Variants in PGM2 observed in about 807,000 individuals in gnomAD.
PGM2 encodes the protein phosphoglucomutase 2.
PGM2 carries 57 observed loss-of-function variants against 74.6 expected under a neutral mutation model. That is an observed-to-expected ratio of 0.76 (90% CI 0.62 to 0.95). PGM2 has a LOEUF of 0.95. Among genes scored for constraint, PGM2 ranks in the 40% least tolerant of loss-of-function variants. The probability of loss-of-function intolerance (pLI) is 0.00; values close to 1 mark genes in which losing one functional copy is unlikely to be tolerated. For synonymous variants in PGM2, 273 were observed against 260.7 expected, an observed-to-expected ratio of 1.05 and a Z score of -0.46; for missense variants, 706 against 741.9, an observed-to-expected ratio of 0.95 and a Z score of 0.56.
At chr4:37,840,320 T>C (rs2714559) in intron 6 of PGM2, 61 bp downstream of exon 6, 230,144 of 953,966 alleles carry the variant, frequency 0.24, 35,136 homozygotes, top group African/African-American at 0.66. Flanking sequence ...CAAATTCTAT[T>C]AGTGTTTGTG....
chr4:37,834,179 T>A (rs528026803), intron 2 of PGM2, among the ~76,000 whole-genome samples: 1 of 151,944 alleles, frequency 6.6e-6, no homozygotes, highest in African/African-American at 2.4e-5. Context: ...AAAAAATTTT[T>A]AAAAATTAGT....
intron 12 of PGM2, among the ~76,000 whole-genome samples, chr4:37,851,995 C>G (rs893631037): frequency 9.4e-6 from 1 of 106,416 alleles, no homozygotes; most frequent in Non-Finnish European, 2.1e-5. Flanking sequence ...CAGGGTCTTG[C>G]TGTGTGACTT....
At position 37,845,656 on chromosome 4, in the gene PGM2, C is replaced by G. The variant is rs1286811858; in HGVS notation, c.933C>G (p.Asp311Glu). Residue 311 changes from aspartate (D) to glutamate (E), a missense_variant, in exon 8 of 14, where the codon GAC becomes GAG. This residue lies in a region of PGM2 where 359 missense variants were observed against 371.1 expected (regional missense o/e 0.97). Transcript: ENST00000381967. ...AGACTTTGTCTTTTGCTTTGGCTGA[C>G]AAAACCAAGGCCAGAATTGTTTTAG... is the stretch of plus-strand genomic sequence containing the variant. ...GVLTLSFALA[D>E]KTKARIVLAN... The G allele has an allele frequency of 1.9e-6, 3 of 1,612,848 alleles. No homozygotes were observed. Among genetic ancestry groups the G allele is most frequent in the Non-Finnish European group, 2.5e-6 (3 of 1,178,850 alleles).
At chr4:37,838,009 T>TA (rs1407815364) in intron 4 of PGM2, among the ~76,000 whole-genome samples, 1 of 152,060 alleles carries the variant, frequency 6.6e-6, no homozygotes, top group African/African-American at 2.4e-5. Context: ...GCCTCCCAAG[T>TA]AGCTGGTATT....
chr4:37,835,704 C>G (rs1478780813), intron 3 of PGM2, among the ~76,000 whole-genome samples: 1 of 152,186 alleles, frequency 6.6e-6, no homozygotes, highest in Non-Finnish European at 1.5e-5. Context: ...AGCTTCCAAT[C>G]TAAGACAGAA....
intron 13 of PGM2, among the ~76,000 whole-genome samples, chr4:37,858,042 ATATATCT>A (rs1182683612): frequency 1.7e-4 from 26 of 152,112 alleles, no homozygotes; most frequent in Admixed American, 1.3e-3. Flanking sequence ...TCTGATGAAA[ATATATCT>A]TATACTTCGG....
rs555534513 is a variant in PGM2, at chr4:37,847,947, AC to A, written c.1283-574del. Among the ~76,000 whole-genome samples the A allele has an allele frequency of 4.3e-4, 65 of 152,356 alleles. 1 individual carries two copies. The highest frequency in any genetic ancestry group is 1.6e-3 in the African/African-American group (65 of 41,586). On this transcript the variant is annotated intron_variant, in intron 10 of 13. Coordinates refer to ENST00000381967, the MANE Select transcript of PGM2 (RefSeq NM_018290.4). ...CTCTGCAACACTAACACATGATTTA[AC>A]TAATCAAAGCATAATCGCTCAGGTT...
chr4:37,848,422 C>A, intron 10 of PGM2, 100 bp from the exon 11 acceptor site: 2 of 1,033,558 alleles, frequency 1.9e-6, no homozygotes, highest in Non-Finnish European at 2.9e-6. Flanking sequence ...TGCATACACG[C>A]AACACTGTAC....
At chr4:37,834,235 G>A (rs2152175027) in intron 2 of PGM2, among the ~76,000 whole-genome samples, 1 of 128,036 alleles carries the variant, frequency 7.8e-6, no homozygotes, top group East Asian at 2.1e-4. Flanking sequence ...TCAGGAGGCT[G>A]AGGTAGGGGG....
At chr4:37,839,477 G>A (rs775151855) in intron 4 of PGM2, 16 of 448,594 alleles carry the variant, frequency 3.6e-5, no homozygotes, top group Middle Eastern at 3.3e-4. Context: ...GGGAGAAGCA[G>A]TTGGAGGGAG....
chr4:37,855,891 C>G, intron 13 of PGM2, 150 bp downstream of exon 13: 1 of 603,858 alleles, frequency 1.7e-6, no homozygotes, highest in Non-Finnish European at 2.7e-6. Context: ...TTGGTATTAA[C>G]AGTCAGTCTC....
chr4:37,854,147 CGAT>C (rs1277691903), intron 12 of PGM2, among the ~76,000 whole-genome samples: 1 of 152,078 alleles, frequency 6.6e-6, no homozygotes, highest in Non-Finnish European at 1.5e-5. Flanking sequence ...CTGACTTGTG[CGAT>C]CGGTTGGCAG....
At position 37,855,718 on chromosome 4, in the gene PGM2, G is replaced by A. The variant is rs188077636; in HGVS notation, c.1713G>A (p.Glu571=). ...GTEPKIKYYA[E]LCAPPGNSDP... is the part of the protein sequence containing the mutation. Reference sequence around the variant, plus strand: ...AGCCCAAAATCAAGTACTATGCAGAGCTGTGTGCCCCACCTGGGAACAGGT... The same window carrying A: ...AGCCCAAAATCAAGTACTATGCAGAACTGTGTGCCCCACCTGGGAACAGGT... Residue 571 remains glutamate (E), a synonymous_variant, in exon 13 of 14, where the codon GAG becomes GAA. Coordinates refer to ENST00000381967, the MANE Select transcript of PGM2 (RefSeq NM_018290.4). 38 of 1,612,606 alleles carry A rather than the reference G, an allele frequency of 2.4e-5. No individual in the cohort carries two copies. The East Asian group carries it at 4.0e-4, about 17-fold the overall frequency.
intron 4 of PGM2, among the ~76,000 whole-genome samples, chr4:37,839,006 C>T (rs1018465448): frequency 6.6e-6 from 1 of 152,040 alleles, no homozygotes; most frequent in African/African-American, 2.4e-5. Context: ...CCCCTTCTCC[C>T]ATTTTGGGAA....
chr4:37,829,881 A>G (rs575752707), intron 1 of PGM2, 83 bp from the exon 2 acceptor site: 59 of 570,400 alleles, frequency 1.0e-4, no homozygotes, highest in African/African-American at 1.0e-3. Context: ...TATTTTCTAT[A>G]GATTAGAATG....
At chr4:37,833,141 T>C (rs1725477834) in intron 2 of PGM2, among the ~76,000 whole-genome samples, 1 of 152,210 alleles carries the variant, frequency 6.6e-6, no homozygotes, top group Admixed American at 6.5e-5. Context: ...CCTTATTTCC[T>C]TGTATCACTC....
intron 12 of PGM2, 131 bp downstream of exon 12, chr4:37,850,504 TA>T (rs1560419393): frequency 7.2e-6 from 4 of 558,578 alleles, no homozygotes; most frequent in Non-Finnish European, 1.2e-5. Flanking sequence ...AAATAAGCTA[TA>T]AAAAATATAT....
intron 1 of PGM2, among the ~76,000 whole-genome samples, 188 bp downstream of exon 1, chr4:37,827,001 C>T (rs1399253776): frequency 2.0e-5 from 3 of 152,258 alleles, no homozygotes; most frequent in Non-Finnish European, 2.9e-5. Flanking sequence ...GCGGCACGTT[C>T]AGAGTTAGGC....
intron 2 of PGM2, among the ~76,000 whole-genome samples, chr4:37,831,009 C>G (rs563936305): frequency 6.6e-6 from 1 of 152,010 alleles, no homozygotes; most frequent in Non-Finnish European, 1.5e-5. Context: ...GCCTGAGCAA[C>G]ATGGTGAAAC....
Sources: allele counts gnomAD v4.1 joint callset (sites outside exome capture counted in the v4.1 genomes callset), GRCh38; gene constraint gnomAD v4.1.1; regional missense constraint gnomAD v4.1.1; transcripts MANE v1.5; gene names NCBI Gene and HGNC (gene_info 2026-07-23, HGNC 2026-07-21).